Variants in PDE10A observed in about 807,000 individuals in gnomAD.
PDE10A encodes the protein cAMP and cAMP-inhibited cGMP 3',5'-cyclic phosphodiesterase 10A.
In PDE10A, 39 loss-of-function variants were observed where a neutral mutation model predicts 97.7. That is an observed-to-expected ratio of 0.40 (90% CI 0.31 to 0.52). The LOEUF (loss-of-function observed/expected upper bound fraction) is 0.52. PDE10A is among the 20% of genes least tolerant of loss of function. The pLI is 0.56. For missense variants in PDE10A, 731 were observed against 1,047.8 expected, an observed-to-expected ratio of 0.70 and a Z score of 4.17; for synonymous variants, 371 against 376.8, an observed-to-expected ratio of 0.98 and a Z score of 0.18.
intron 11 of PDE10A, among the ~76,000 whole-genome samples, chr6:165,417,194 G>A (rs189612465): frequency 1.5e-3 from 229 of 152,328 alleles, no homozygotes; most frequent in Admixed American, 3.1e-3. Flanking sequence ...ACACCAAAGA[G>A]TGAACCAAAC....
chr6:165,592,589 T>A (rs1323377369), intron 1 of PDE10A, among the ~76,000 whole-genome samples: 1 of 152,030 alleles, frequency 6.6e-6, no homozygotes, highest in African/African-American at 2.4e-5. Context: ...TACAAGGAAT[T>A]TAAACAAATT....
chr6:165,784,425 C>A (rs1173765495), intron 1 of PDE10A, among the ~76,000 whole-genome samples: 3 of 151,944 alleles, frequency 2.0e-5, no homozygotes, highest in African/African-American at 7.3e-5. Flanking sequence ...TACTAAGGGA[C>A]CTTAGGACAA....
At chr6:165,638,842 T>C (rs954178794) in intron 1 of PDE10A, among the ~76,000 whole-genome samples, 2 of 151,980 alleles carry the variant, frequency 1.3e-5, no homozygotes, top group African/African-American at 4.8e-5. Context: ...AAAACTAGAG[T>C]CTTTAAGAAC....
chr6:165,885,674 G>A (rs931222837), intron 1 of PDE10A, among the ~76,000 whole-genome samples: 3 of 152,346 alleles, frequency 2.0e-5, no homozygotes, highest in East Asian at 3.9e-4. Context: ...GGAGAGGGAA[G>A]GCCTGGTTGT....
chr6:165,724,484 C>G (rs1792243547), intron 1 of PDE10A, among the ~76,000 whole-genome samples: 1 of 152,216 alleles, frequency 6.6e-6, no homozygotes, highest in Admixed American at 6.5e-5. Flanking sequence ...CTAGCTGAAT[C>G]AGGCTCGCCC....
chr6:165,927,681 T>TATATATATATATA (rs61054628), intron 1 of PDE10A, among the ~76,000 whole-genome samples: 1 of 120,220 alleles, frequency 8.3e-6, no homozygotes, highest in African/African-American at 3.4e-5. Flanking sequence ...TATATATAGT[T>TATATATATATATA]TTTTGTTTGT....
intron 1 of PDE10A, among the ~76,000 whole-genome samples, chr6:165,923,145 A>G (rs1008096841): frequency 1.3e-5 from 2 of 152,252 alleles, no homozygotes; most frequent in Admixed American, 1.3e-4. Flanking sequence ...ATGCAAACAA[A>G]AATGGCCTTC....
chr6:165,936,372 G>A (rs762772048), intron 1 of PDE10A, among the ~76,000 whole-genome samples: 15 of 152,084 alleles, frequency 9.9e-5, no homozygotes, highest in Non-Finnish European at 2.1e-4. Flanking sequence ...GTTTAAGATC[G>A]GCAGAAATAA....
intron 1 of PDE10A, among the ~76,000 whole-genome samples, chr6:165,825,866 G>C (rs566708911): frequency 1.3e-5 from 2 of 152,170 alleles, no homozygotes; most frequent in Admixed American, 1.3e-4. Context: ...TCCTTACCCG[G>C]CTTCACCATT....
At chr6:165,412,515 A>G (rs1787942685) in intron 13 of PDE10A, among the ~76,000 whole-genome samples, 1 of 152,206 alleles carries the variant, frequency 6.6e-6, no homozygotes, top group Admixed American at 6.5e-5. Flanking sequence ...AGTGTTTGAC[A>G]GCATTCCTAG....
At chr6:165,673,442 T>A (rs1790704102) in intron 1 of PDE10A, among the ~76,000 whole-genome samples, 1 of 152,232 alleles carries the variant, frequency 6.6e-6, no homozygotes, top group African/African-American at 2.4e-5. Flanking sequence ...TTGTAGCTTC[T>A]CTATTGGATT....
chr6:165,662,359 CGCCGCCGCT>C lies in PDE10A; in HGVS notation c.444_452del (p.Ala152_Ala154del), dbSNP rs1193155729. 2 of 163,396 alleles carry C rather than the reference CGCCGCCGCT, an allele frequency of 1.2e-5. No individual in the cohort carries two copies. The highest frequency in any genetic ancestry group is 4.9e-5 in the African/African-American group (2 of 41,126). 10.1% of individuals were successfully genotyped at this position (163,396 alleles called of 1,614,324 possible). On this transcript the variant is annotated inframe_deletion, in exon 1 of 22. Transcript: ENST00000539869. ...CATCGCCGCCTCCTCCCGCCGCCGC[CGCCGCCGCT>C]GCGCCCTCCCTTCCTGGGAGACGCA...
intron 1 of PDE10A, among the ~76,000 whole-genome samples, chr6:165,936,843 G>A (rs971759548): frequency 5.9e-5 from 9 of 152,092 alleles, no homozygotes; most frequent in African/African-American, 1.4e-4. Flanking sequence ...GTGAATCATC[G>A]CCACTCTTCT....
intron 1 of PDE10A, among the ~76,000 whole-genome samples, chr6:165,962,669 G>A (rs1326220498): frequency 1.3e-5 from 2 of 152,224 alleles, no homozygotes; most frequent in Non-Finnish European, 2.9e-5. Context: ...TAAGCTCCCA[G>A]ACGGGCTGTG....
chr6:165,772,079 T>A (rs1407052730), intron 1 of PDE10A, among the ~76,000 whole-genome samples: 1 of 152,228 alleles, frequency 6.6e-6, no homozygotes, highest in African/African-American at 2.4e-5. Context: ...CTTAAAAAAT[T>A]CGTATTTCCG....
chr6:165,619,518 T>C (rs1240670920), intron 1 of PDE10A, among the ~76,000 whole-genome samples: 1 of 127,266 alleles, frequency 7.9e-6, no homozygotes, highest in African/African-American at 3.1e-5. Context: ...TGTAGTCTAG[T>C]GTAGTGTAGT....
chr6:165,627,579 C>T (rs527501084), intron 1 of PDE10A, among the ~76,000 whole-genome samples: 1 of 152,096 alleles, frequency 6.6e-6, no homozygotes. Context: ...CCCAAGCTGC[C>T]GTGACTTGGG....
chr6:165,698,636 G>A (rs2128443210), intron 1 of PDE10A, among the ~76,000 whole-genome samples: 1 of 152,322 alleles, frequency 6.6e-6, no homozygotes, highest in Non-Finnish European at 1.5e-5. Context: ...GATCACCTGA[G>A]GTCAGCAGTT....
chr6:165,607,755 A>G (rs1369012144), intron 1 of PDE10A, among the ~76,000 whole-genome samples: 1 of 152,178 alleles, frequency 6.6e-6, no homozygotes, highest in Admixed American at 6.5e-5. Flanking sequence ...CATTCAGTTT[A>G]TAAGGATGAA....
Sources: allele counts gnomAD v4.1 joint callset (sites outside exome capture counted in the v4.1 genomes callset), GRCh38; gene constraint gnomAD v4.1.1; transcripts MANE v1.5; gene names NCBI Gene and HGNC (gene_info 2026-07-23, HGNC 2026-07-21).